The following CASTOR2 variants were observed in gnomAD, a reference collection of about 807,000 sequenced individuals.
The protein encoded by CASTOR2 is cytosolic arginine sensor for mTORC1 subunit 2.
Under a neutral mutation model 31.2 loss-of-function variants are expected in CASTOR2, and 8 were observed. The ratio of observed to expected loss-of-function variants is 0.26; its 90% CI spans 0.15 to 0.46. CASTOR2 has a LOEUF of 0.46. Ranked by LOEUF, CASTOR2 falls within the 20% of genes least tolerant of loss-of-function variation. The probability of loss-of-function intolerance (pLI) is 0.99; values close to 1 mark genes in which losing one functional copy is unlikely to be tolerated. For synonymous variants in CASTOR2, 162 were observed against 158.7 expected, an observed-to-expected ratio of 1.02 and a Z score of -0.16; for missense variants, 216 against 382.1, an observed-to-expected ratio of 0.57 and a Z score of 3.62.
intron 1 of CASTOR2, among the ~76,000 whole-genome samples, chr7:74,988,292 C>CTTAT (rs1317113045): frequency 4.0e-5 from 6 of 151,240 alleles, no homozygotes; most frequent in Non-Finnish European, 7.4e-5. Context: ...CCACACCCGA[C>CTTAT]TTATTTATTT....
chr7:75,007,664 G>T (rs1379109252), intron 1 of CASTOR2, among the ~76,000 whole-genome samples: 1 of 152,102 alleles, frequency 6.6e-6, no homozygotes, highest in Non-Finnish European at 1.5e-5. Context: ...ACCCACACTG[G>T]AGCCACCCTT....
intron 7 of CASTOR2, 140 bp downstream of exon 7, chr7:75,022,096 T>G: frequency 1.0e-6 from 1 of 977,376 alleles, no homozygotes; most frequent in Non-Finnish European, 1.6e-6. Context: ...GAAATTTCTG[T>G]TGCTCACTGG....
At position 75,024,626 on chromosome 7, in the gene CASTOR2, C is replaced by T; in HGVS notation, c.925-8C>T. The stretch of plus-strand genomic sequence containing the variant: ...GGGCAGGCATCTGCCTCCTCTACCC[C>T]TGCACAGGTCCCCGAAGAGAACATC... On this transcript the variant is annotated splice_region_variant and splice_polypyrimidine_tract_variant and intron_variant, in intron 8 of 8. Transcript: ENST00000616305. 1 of 1,551,582 alleles carries T rather than the reference C, an allele frequency of 6.4e-7. No homozygotes were observed. Among genetic ancestry groups the T allele is most frequent in the East Asian group, 2.4e-5 (1 of 40,918 alleles).
chr7:75,014,601 A>G (rs1239279824), intron 2 of CASTOR2, among the ~76,000 whole-genome samples: 1 of 152,010 alleles, frequency 6.6e-6, no homozygotes, highest in Admixed American at 6.6e-5. Context: ...CTCAAAAAAA[A>G]AGGAAGCAAC....
rs1308366190 is a variant in CASTOR2 at position 74,991,786 on chromosome 7, G to A, written c.114-16208G>A. On this transcript the variant is annotated intron_variant, in intron 1 of 8. Transcript: ENST00000616305. Reference sequence around the variant, plus strand: ...ATGGCACACTAAGGAACGAGGAGGGGCCCAGCAGTGGTCACATGGGGGCTG... The same window carrying A: ...ATGGCACACTAAGGAACGAGGAGGGACCCAGCAGTGGTCACATGGGGGCTG... Among the ~76,000 whole-genome samples the A allele has an allele frequency of 1.3e-3, 191 of 152,178 alleles. 1 individual carries two copies. Among genetic ancestry groups the A allele is most frequent in the African/African-American group, 4.1e-3 (172 of 41,530 alleles).
In CASTOR2 at chr7:75,000,174, TATGATC is replaced by T. The variant is rs1256251041; in HGVS notation, c.114-7816_114-7811del. On this transcript the variant is annotated intron_variant, in intron 1 of 8. Transcript: ENST00000616305. ...CCAGGAGTTGGAGGCTGCAGTGAAC[TATGATC>T]ATGCCAGTGCACTCCAGCCTGGGTG... Among the ~76,000 whole-genome samples, 61 of 152,174 alleles carry T rather than the reference TATGATC, an allele frequency of 4.0e-4. 1 individual carries two copies. The highest frequency in any genetic ancestry group is 4.0e-3 in the Admixed American group (61 of 15,262).
chr7:75,004,797 TA>T (rs1173679691), intron 1 of CASTOR2, among the ~76,000 whole-genome samples: 2 of 152,054 alleles, frequency 1.3e-5, no homozygotes, highest in Non-Finnish European at 2.9e-5. Flanking sequence ...ACATACAGCG[TA>T]ATTCACAAAT....
intron 1 of CASTOR2, among the ~76,000 whole-genome samples, chr7:74,982,146 G>T (rs1245023993): frequency 6.8e-5 from 10 of 146,532 alleles, no homozygotes; most frequent in Non-Finnish European, 1.5e-4. Context: ...GCCTGCACTG[G>T]AATGTGGAAC....
chr7:75,023,470 G>GTTT (rs1473859596), intron 7 of CASTOR2, among the ~76,000 whole-genome samples: 2 of 25,020 alleles, frequency 8.0e-5, no homozygotes, highest in African/African-American at 2.4e-4. Context: ...TTTTCTTTTT[G>GTTT]TTTTTTGTTT....
chr7:75,006,875 G>A (rs1422841567), intron 1 of CASTOR2, among the ~76,000 whole-genome samples: 1 of 111,684 alleles, frequency 9.0e-6, no homozygotes, highest in Non-Finnish European at 1.7e-5. Flanking sequence ...CCACCAACCA[G>A]CCATGTGGAA....
chr7:74,997,734 T>C (rs1473266077), intron 1 of CASTOR2, among the ~76,000 whole-genome samples: 1 of 151,888 alleles, frequency 6.6e-6, no homozygotes, highest in Non-Finnish European at 1.5e-5. Flanking sequence ...ACCAGGTGTT[T>C]TTGTTTTTTT....
rs2131961124 is a variant in CASTOR2 at position 75,026,211 on chromosome 7, TG to T, written c.*1515del. Among the ~76,000 whole-genome samples, 2 of 144,694 alleles carry T rather than the reference TG, an allele frequency of 1.4e-5. No homozygotes were observed. Among genetic ancestry groups the T allele is most frequent in the African/African-American group, 2.5e-5 (1 of 39,814 alleles). The allele number at this position is 144,694 out of a possible 152,430, so 94.9% of individuals were successfully genotyped here. A position where few individuals can be genotyped will look rare whatever the true frequency, so the allele number is the denominator to read the frequency against. On this transcript the variant is annotated 3_prime_UTR_variant, in exon 9 of 9. Transcript: ENST00000616305. ...GGGGTTTTTTTTTTTTTTTTTGAGA[TG>T]GGAGTCTGGCTCTGTTGCCTAGGCT...
intron 1 of CASTOR2, among the ~76,000 whole-genome samples, chr7:74,991,065 C>A (rs1439586490): frequency 8.1e-6 from 1 of 123,500 alleles, no homozygotes; most frequent in African/African-American, 2.6e-5. Flanking sequence ...CAGAGCAAGA[C>A]CCTGTCTGGA....
chr7:75,009,760 G>A (rs1319762877), intron 2 of CASTOR2, among the ~76,000 whole-genome samples: 1 of 151,850 alleles, frequency 6.6e-6, no homozygotes, highest in Non-Finnish European at 1.5e-5. Context: ...GAGACAGGAG[G>A]ACAGGGCTTG....
intron 1 of CASTOR2, among the ~76,000 whole-genome samples, chr7:74,990,397 A>G (rs1804179372): frequency 6.6e-6 from 1 of 151,490 alleles, no homozygotes; most frequent in Non-Finnish European, 1.5e-5. Context: ...AAAAAAAACA[A>G]AAACAAAAAA....
chr7:74,992,378 G>T (rs1164036957), intron 1 of CASTOR2, among the ~76,000 whole-genome samples: 2 of 152,168 alleles, frequency 1.3e-5, no homozygotes, highest in Non-Finnish European at 2.9e-5. Flanking sequence ...AAGGTGGGAG[G>T]ATGGCTTGAG....
rs1178812361 is a variant in CASTOR2, at chr7:74,985,008, A to G, written c.113+19910A>G. On this transcript the variant is annotated intron_variant, in intron 1 of 8. Coordinates refer to ENST00000616305, the MANE Select transcript of CASTOR2 (RefSeq NM_001145064.3). ...AAAAATTAGCTGGGTGTGATGGTGC[A>G]CACCTGTAATCCCAGCTACTCAGGA... Among the ~76,000 whole-genome samples, 5 of 152,054 alleles carry G rather than the reference A, an allele frequency of 3.3e-5. No homozygotes were observed. The East Asian group carries it at 9.7e-4, about 29-fold the overall frequency.
chr7:75,003,936 C>G (rs1276159896), intron 1 of CASTOR2, among the ~76,000 whole-genome samples: 1 of 152,114 alleles, frequency 6.6e-6, no homozygotes, highest in Non-Finnish European at 1.5e-5. Context: ...GGGGACAGGT[C>G]ACTTCAACAA....
intron 2 of CASTOR2, among the ~76,000 whole-genome samples, chr7:75,013,737 C>A (rs1238269127): frequency 3.3e-5 from 5 of 151,870 alleles, no homozygotes; most frequent in Non-Finnish European, 7.4e-5. Context: ...CGATTTTTTA[C>A]GTGTGTGTGT....
Sources: allele counts gnomAD v4.1 joint callset (sites outside exome capture counted in the v4.1 genomes callset), GRCh38; gene constraint gnomAD v4.1.1; transcripts MANE v1.5; gene names NCBI Gene and HGNC (gene_info 2026-07-23, HGNC 2026-07-21).